JAKMIP3: variants seen among roughly 807,000 people sequenced by gnomAD.
JAKMIP3 encodes the protein janus kinase and microtubule-interacting protein 3.
Under a neutral mutation model 118.5 loss-of-function variants are expected in JAKMIP3, and 58 were observed. That is an observed-to-expected ratio of 0.49 (90% CI 0.40 to 0.61). The LOEUF (loss-of-function observed/expected upper bound fraction) is 0.61, where lower values mean the gene tolerates loss of function less well. JAKMIP3 is among the 20% of genes least tolerant of loss of function. The pLI is 0.00. For synonymous variants in JAKMIP3, 486 were observed against 451.2 expected (o/e 1.08, Z -0.98); for missense variants, 950 against 1,109.0 (o/e 0.86, Z 2.04).
chr10:132,181,681 T>C (rs1321830758), intron 23 of JAKMIP3: 9 of 152,270 alleles, frequency 5.9e-5, no homozygotes, highest in Non-Finnish European at 1.2e-4. Flanking sequence ...TTTTTCATTC[T>C]GTTTGAGGTA....
rs1408378753 is a variant in JAKMIP3, at chr10:132,112,358, G to GGC, written c.136-4718_136-4717dup. 3.3e-5 allele frequency among the ~76,000 whole-genome samples: 5 copies of GGC among 152,144 alleles called. No homozygotes were observed. Among genetic ancestry groups the GGC allele is most frequent in the Non-Finnish European group, 5.9e-5 (4 of 68,008 alleles). On this transcript the variant is annotated intron_variant, in intron 2 of 23. Coordinates refer to ENST00000684848, the MANE Select transcript of JAKMIP3 (RefSeq NM_001323087.2). The surrounding 1 kb of genome is among the most constrained non-coding windows in gnomAD (Gnocchi z 4.3). ...GGAGACGGGGCTGGGACCTGCCCTG[G>GGC]GCACTCGGCTCGTCAGCTGGGAAGC... is the stretch of plus-strand genomic sequence containing the variant.
chr10:132,051,309 C>A (rs886264968), intron 1 of JAKMIP3, among the ~76,000 whole-genome samples: 1 of 134,326 alleles, frequency 7.4e-6, no homozygotes, highest in East Asian at 2.2e-4. Flanking sequence ...TTGGGGGGTA[C>A]CTGCCTGTCT....
intron 19 of JAKMIP3, among the ~76,000 whole-genome samples, chr10:132,159,875 G>C (rs112870866): frequency 5.2e-3 from 53 of 10,106 alleles, no homozygotes; most frequent in South Asian, 7.8e-3. Context: ...ATGCTGGGGG[G>C]GTCTCTTCCT....
At chr10:132,152,198 T>C (rs2056342528) in intron 16 of JAKMIP3, among the ~76,000 whole-genome samples, 1 of 152,170 alleles carries the variant, frequency 6.6e-6, no homozygotes, top group Non-Finnish European at 1.5e-5. Flanking sequence ...CTCCCCCCTG[T>C]GGGAGACCCT....
intron 1 of JAKMIP3, among the ~76,000 whole-genome samples, chr10:132,038,652 C>G (rs1256561211): frequency 2.0e-5 from 3 of 152,016 alleles, no homozygotes; most frequent in African/African-American, 7.2e-5. Flanking sequence ...CAATAATTAG[C>G]TGGGCATGGT....
rs1277902926 is a variant in JAKMIP3 at position 132,149,474 on chromosome 10, C to T, written c.1911C>T (p.Ser637=). The change falls in exon 15 of 24, where the codon AGC becomes AGT. Residue 637 remains serine (S), a synonymous_variant. Coordinates refer to ENST00000684848, the MANE Select transcript of JAKMIP3 (RefSeq NM_001323087.2). ...ACACGCCCTTCGTGGACGGGAAGAG[C>T]CCCCTCCAGGTGTACTGCGAGGCCG... is the stretch of plus-strand genomic sequence containing the variant. ...FHHTPFVDGK[S]PLQVYCEAEG... is the part of the protein sequence containing the mutation. 3 of 1,603,936 alleles carry T rather than the reference C, an allele frequency of 1.9e-6. No individual in the cohort carries two copies. Among genetic ancestry groups the T allele is most frequent in the African/African-American group, 1.3e-5 (1 of 74,366 alleles).
chr10:132,171,652 CTTTTT>C (rs34371364), intron 23 of JAKMIP3, among the ~76,000 whole-genome samples: 1 of 135,756 alleles, frequency 7.4e-6, no homozygotes, highest in African/African-American at 2.8e-5. Context: ...TTTTTTCTTT[CTTTTT>C]TTTTTTTTTT....
chr10:132,121,249 G>A lies in JAKMIP3; in HGVS notation c.633+3675G>A, dbSNP rs1021004562. Among the ~76,000 whole-genome samples the A allele has an allele frequency of 7.2e-5, 11 of 152,122 alleles. No homozygotes were observed. In the East Asian group the frequency reaches 1.3e-3, roughly 19 times the overall value. On this transcript the variant is annotated intron_variant, in intron 3 of 23. Coordinates refer to ENST00000684848, the MANE Select transcript of JAKMIP3 (RefSeq NM_001323087.2). ...CCCGGGCCTGGCAGGAGCTGCAGGC[G>A]GGAGGAACATCATTCCCAGGTTCCA...
intron 1 of JAKMIP3, among the ~76,000 whole-genome samples, chr10:132,050,591 T>C (rs1005971427): frequency 6.6e-6 from 1 of 152,172 alleles, no homozygotes; most frequent in Non-Finnish European, 1.5e-5. Context: ...GTGAAGGATT[T>C]CTTGAGGTTG....
chr10:132,073,780 G>C (rs185137664), intron 1 of JAKMIP3, among the ~76,000 whole-genome samples: 1 of 152,218 alleles, frequency 6.6e-6, no homozygotes, highest in East Asian at 1.9e-4. Flanking sequence ...TTACAGGTGT[G>C]AGCCACCACA....
At chr10:132,125,976 C>T (rs2049462587) in intron 3 of JAKMIP3, among the ~76,000 whole-genome samples, 1 of 152,214 alleles carries the variant, frequency 6.6e-6, no homozygotes, top group Non-Finnish European at 1.5e-5. Flanking sequence ...TCGTATCTCA[C>T]TGCAGCCGTA....
intron 1 of JAKMIP3, among the ~76,000 whole-genome samples, chr10:132,057,530 GA>G (rs2038270116): frequency 6.6e-6 from 1 of 152,206 alleles, no homozygotes; most frequent in South Asian, 2.1e-4. Context: ...GTTAGTGTCA[GA>G]ACTGCATGAG....
intron 9 of JAKMIP3, among the ~76,000 whole-genome samples, chr10:132,139,196 AT>A (rs1564947348): frequency 2.6e-4 from 17 of 65,534 alleles, no homozygotes; most frequent in African/African-American, 1.4e-3. Context: ...ATGTGTGTGT[AT>A]GAGTGTGTGT....
intron 23 of JAKMIP3, among the ~76,000 whole-genome samples, chr10:132,172,464 T>C (rs938436399): frequency 2.6e-5 from 4 of 152,060 alleles, no homozygotes; most frequent in Admixed American, 2.6e-4. Context: ...TCCGCACCCG[T>C]TGGTGGATCT....
Position 132,175,591 on chromosome 10 carries a change from G to A in JAKMIP3, c.*1103+6558G>A, listed in dbSNP as rs55759862. 5.3e-5 allele frequency among the ~76,000 whole-genome samples: 8 copies of A among 152,272 alleles called. No homozygotes were observed. In the South Asian group the frequency reaches 6.2e-4, roughly 12 times the overall value. ...GTGGCCACTCAGGGTCTGGAAGCTC[G>A]AGGTGTGTTGATTAACTGTCAGCAG... On this transcript the variant is annotated intron_variant, in intron 23 of 23. Transcript: ENST00000684848.
intron 1 of JAKMIP3, among the ~76,000 whole-genome samples, chr10:132,052,789 G>A (rs144071922): frequency 6.6e-6 from 1 of 152,238 alleles, no homozygotes; most frequent in East Asian, 1.9e-4. Flanking sequence ...TTATTTTCAA[G>A]CTTGTAACTT....
intron 23 of JAKMIP3, among the ~76,000 whole-genome samples, chr10:132,180,626 C>CGTGCGCGT (rs2060900943): frequency 4.3e-5 from 1 of 23,358 alleles, no homozygotes; most frequent in African/African-American, 3.1e-4. Context: ...CGTGTGTGTG[C>CGTGCGCGT]GTGTGTGCGT....
intron 3 of JAKMIP3, among the ~76,000 whole-genome samples, chr10:132,123,632 C>T (rs999308886): frequency 4.6e-5 from 7 of 151,598 alleles, no homozygotes; most frequent in Non-Finnish European, 7.4e-5. Context: ...AGAGCTTGTG[C>T]CAGGCCCTTG....
intron 3 of JAKMIP3, among the ~76,000 whole-genome samples, chr10:132,128,263 A>C (rs1453872398): frequency 6.6e-6 from 1 of 152,238 alleles, no homozygotes; most frequent in African/African-American, 2.4e-5. Context: ...GTTTCCGTTG[A>C]AAAGCCAGCC....
Sources: allele counts gnomAD v4.1 joint callset (sites outside exome capture counted in the v4.1 genomes callset), GRCh38; gene constraint gnomAD v4.1.1; non-coding constraint Gnocchi (gnomAD v3.1); transcripts MANE v1.5; gene names NCBI Gene and HGNC (gene_info 2026-07-23, HGNC 2026-07-21).